Variants in PDE7B observed in about 807,000 individuals in gnomAD.
PDE7B encodes the protein 3',5'-cyclic-AMP phosphodiesterase 7B.
A neutral mutation model predicts 56.2 loss-of-function variants in PDE7B; 29 were observed. The observed-to-expected ratio is 0.52, with a 90% CI of 0.38 to 0.70. The LOEUF (loss-of-function observed/expected upper bound fraction) is 0.70. Among genes scored for constraint, PDE7B ranks in the 30% least tolerant of loss-of-function variants. The probability of loss-of-function intolerance (pLI) is 0.00; values close to 1 mark genes in which losing one functional copy is unlikely to be tolerated. For missense variants in PDE7B, 490 were observed against 565.0 expected (o/e 0.87, Z 1.35); for synonymous variants, 197 against 196.9 (o/e 1.00, Z 0.00).
At chr6:136,058,799 T>C (rs1280618551) in intron 2 of PDE7B, among the ~76,000 whole-genome samples, 1 of 152,146 alleles carries the variant, frequency 6.6e-6, no homozygotes, top group African/African-American at 2.4e-5. Flanking sequence ...ACCATGTCCA[T>C]TTACTAGAAC....
At chr6:135,918,790 C>T (rs578220801) in intron 1 of PDE7B, among the ~76,000 whole-genome samples, 205 of 152,178 alleles carry the variant, frequency 1.3e-3, no homozygotes, top group African/African-American at 4.8e-3. Context: ...TCCATTTATG[C>T]GTGGACAGGG....
At chr6:135,897,728 C>T (rs529494151) in intron 1 of PDE7B, among the ~76,000 whole-genome samples, 5 of 152,246 alleles carry the variant, frequency 3.3e-5, no homozygotes, top group South Asian at 4.1e-4. Flanking sequence ...TTTAGTAATG[C>T]TTCCTGACAA....
At chr6:135,989,353 C>G (rs1775434371) in intron 2 of PDE7B, among the ~76,000 whole-genome samples, 1 of 152,200 alleles carries the variant, frequency 6.6e-6, no homozygotes, top group Non-Finnish European at 1.5e-5. Flanking sequence ...ATGGCTCACG[C>G]CTGTAATCCC....
chr6:136,190,893 A>C (rs556148746), intron 12 of PDE7B, among the ~76,000 whole-genome samples: 41 of 152,162 alleles, frequency 2.7e-4, no homozygotes, highest in African/African-American at 9.6e-4. Context: ...CTTGAAAAAG[A>C]TATCCCACAG....
At chr6:136,008,628 T>A (rs1775831188) in intron 2 of PDE7B, among the ~76,000 whole-genome samples, 1 of 152,260 alleles carries the variant, frequency 6.6e-6, no homozygotes, top group Admixed American at 6.5e-5. Flanking sequence ...TGCATAAATG[T>A]CTTCTTTTGA....
intron 2 of PDE7B, among the ~76,000 whole-genome samples, chr6:136,003,138 G>A (rs1296685402): frequency 2.0e-5 from 3 of 152,166 alleles, no homozygotes; most frequent in African/African-American, 7.2e-5. Flanking sequence ...AAATAAAGAT[G>A]TCCTTTGAAA....
At position 135,873,621 on chromosome 6, in the gene PDE7B, G is replaced by GTT. The variant is rs764961120; in HGVS notation, c.21+21606_21+21607dup. 1.6e-3 allele frequency among the ~76,000 whole-genome samples: 249 copies of GTT among 152,126 alleles called. 1 individual carries two copies. Among genetic ancestry groups the GTT allele is most frequent in the Non-Finnish European group, 2.6e-3 (175 of 67,982 alleles). ...TATATGATTGATTTTGGAGGGCATTGTTTTTATCTTCATTGTGATTGCAAT... is the reference window on the plus strand; with the variant it reads ...TATATGATTGATTTTGGAGGGCATTGTTTTTTTATCTTCATTGTGATTGCAAT... On this transcript the variant is annotated intron_variant, in intron 1 of 12. Transcript: ENST00000308191.
chr6:135,857,054 C>CTCCCTCCCTCCT (rs1775047936), intron 1 of PDE7B, among the ~76,000 whole-genome samples: 5 of 143,530 alleles, frequency 3.5e-5, no homozygotes, highest in Admixed American at 6.9e-5. Flanking sequence ...CCCTCCCTCC[C>CTCCCTCCCTCCT]TTCCTTCCTC....
intron 2 of PDE7B, among the ~76,000 whole-genome samples, chr6:135,955,619 TACAC>T (rs1367114160): frequency 6.6e-6 from 1 of 152,040 alleles, no homozygotes; most frequent in Non-Finnish European, 1.5e-5. Context: ...CAAGGGGAGA[TACAC>T]ACTTTAGACA....
At chr6:135,965,460 G>T (rs1774981665) in intron 2 of PDE7B, among the ~76,000 whole-genome samples, 1 of 152,190 alleles carries the variant, frequency 6.6e-6, no homozygotes, top group Admixed American at 6.5e-5. Flanking sequence ...TTCTCAAGCT[G>T]CTGATAAAGA....
intron 2 of PDE7B, among the ~76,000 whole-genome samples, chr6:136,002,946 T>G (rs1403482504): frequency 1.3e-5 from 2 of 151,942 alleles, no homozygotes; most frequent in Non-Finnish European, 2.9e-5. Flanking sequence ...ACCACATACT[T>G]GGAAGTAAAG....
At chr6:136,077,969 TC>T (rs1467460979) in intron 2 of PDE7B, among the ~76,000 whole-genome samples, 1 of 152,186 alleles carries the variant, frequency 6.6e-6, no homozygotes, top group Non-Finnish European at 1.5e-5. Flanking sequence ...TCTAATCTCA[TC>T]CCAGGGTGAA....
At chr6:136,155,937 A>G in intron 8 of PDE7B, 179 bp downstream of exon 8, 2 of 722,682 alleles carry the variant, frequency 2.8e-6, no homozygotes, top group Non-Finnish European at 5.1e-6. Flanking sequence ...AAAATGAGCA[A>G]AATCCAAGCA....
At chr6:136,014,013 C>A (rs1431768499) in intron 2 of PDE7B, among the ~76,000 whole-genome samples, 3 of 152,328 alleles carry the variant, frequency 2.0e-5, no homozygotes, top group South Asian at 2.1e-4. Context: ...CTAGGACTGG[C>A]ACTAAATTTG....
chr6:135,973,854 T>G (rs1775136505), intron 2 of PDE7B, among the ~76,000 whole-genome samples: 1 of 152,200 alleles, frequency 6.6e-6, no homozygotes. Context: ...ACGGTAACAC[T>G]TTAGTTGGCC....
chr6:135,948,348 T>C (rs942707691), intron 2 of PDE7B, among the ~76,000 whole-genome samples: 2 of 151,998 alleles, frequency 1.3e-5, no homozygotes, highest in African/African-American at 2.4e-5. Flanking sequence ...TTTCACCAAA[T>C]TTTTACCTTT....
At position 135,878,334 on chromosome 6, in the gene PDE7B, ATGT is replaced by A. The variant is rs113229593; in HGVS notation, c.21+26320_21+26322del. 6.5e-3 allele frequency among the ~76,000 whole-genome samples: 994 copies of A among 152,144 alleles called. 15 individuals carry two copies. Among genetic ancestry groups the A allele is most frequent in the African/African-American group, 0.023 (941 of 41,500 alleles). On this transcript the variant is annotated intron_variant, in intron 1 of 12. Transcript: ENST00000308191. Reference sequence around the variant, plus strand: ...AAGAGGTCTGCTTACGTCAGTGCTCATGTTGTTAGAACCAAACTTTCAAAATAT... The same window carrying A: ...AAGAGGTCTGCTTACGTCAGTGCTCATGTTAGAACCAAACTTTCAAAATAT...
intron 1 of PDE7B, among the ~76,000 whole-genome samples, chr6:135,921,173 A>G (rs1376732830): frequency 2.0e-5 from 3 of 152,146 alleles, no homozygotes; most frequent in Non-Finnish European, 4.4e-5. Flanking sequence ...TTTCTTGGAT[A>G]ACAGGCTATT....
At chr6:136,159,168 T>A (rs1422072183) in intron 8 of PDE7B, among the ~76,000 whole-genome samples, 1 of 152,210 alleles carries the variant, frequency 6.6e-6, no homozygotes, top group Admixed American at 6.5e-5. Flanking sequence ...CACTTGTTAT[T>A]CTTAATGAGT....
Sources: gnomAD v4.1 joint callset for allele counts (sites outside exome capture counted in the v4.1 genomes callset) on GRCh38, gnomAD v4.1.1 for gene constraint, MANE v1.5 for transcripts, NCBI Gene and HGNC (gene_info 2026-07-23, HGNC 2026-07-21) for gene names.